The following SLC9A1 variants were observed in gnomAD, a reference collection of about 807,000 sequenced individuals.
SLC9A1 encodes the protein sodium/hydrogen exchanger 1.
SLC9A1 carries 22 observed loss-of-function variants against 67.9 expected under a neutral mutation model. The ratio of observed to expected loss-of-function variants is 0.32; its 90% confidence interval spans 0.23 to 0.46. The LOEUF is 0.46. Ranked by LOEUF, SLC9A1 falls within the 20% of genes least tolerant of loss-of-function variation. The probability of loss-of-function intolerance (pLI) is 1.00; values close to 1 mark genes in which losing one functional copy is unlikely to be tolerated. For synonymous variants in SLC9A1, 421 were observed against 471.8 expected (o/e 0.89, Z 1.40); for missense variants, 686 against 1,094.8 (o/e 0.63, Z 5.27).
chr1:27,119,805 G>A (rs2083293550), intron 1 of SLC9A1, among the ~76,000 whole-genome samples: 1 of 152,168 alleles, frequency 6.6e-6, no homozygotes, highest in East Asian at 1.9e-4. Context: ...GTTTCTAAGG[G>A]GCGTGTGAGC....
At chr1:27,128,227 A>C (rs912762318) in intron 1 of SLC9A1, among the ~76,000 whole-genome samples, 2 of 151,682 alleles carry the variant, frequency 1.3e-5, no homozygotes, top group Non-Finnish European at 2.9e-5. Context: ...TCTGTGACCT[A>C]ATAAGGCAAA....
Position 27,103,257 on chromosome 1 carries a change from G to A in SLC9A1, c.1541C>T (p.Thr514Met), listed in dbSNP as rs902869080. 1.8e-5 allele frequency: 29 copies of A among 1,606,636 alleles called. No homozygotes were observed. Among genetic ancestry groups the A allele is most frequent in the Non-Finnish European group, 2.2e-5 (26 of 1,176,698 alleles). Reference protein sequence around the residue: ...DLLAVKKKQETKRSINEEIHT... With the variant: ...DLLAVKKKQEMKRSINEEIHT... ...GATCTCTTCGTTGATGGAGCGCTTC[G>A]TCTCTTGCTTTTTCTTCACAGCCAA... Residue 514 changes from threonine (T) to methionine (M), a missense_variant, in exon 6 of 12, where the codon ACG becomes ATG. By Grantham distance (81) the Thr-to-Met change is moderately conservative (BLOSUM62 -1). Coordinates refer to ENST00000263980, the MANE Select transcript of SLC9A1 (RefSeq NM_003047.5).
chr1:27,133,806 C>G (rs2083401691), intron 1 of SLC9A1, among the ~76,000 whole-genome samples: 1 of 151,210 alleles, frequency 6.6e-6, no homozygotes. Context: ...AGTCTGTTGC[C>G]TAGGCTGGAG....
intron 1 of SLC9A1, among the ~76,000 whole-genome samples, chr1:27,130,968 C>T (rs2083380058): frequency 6.6e-6 from 1 of 152,236 alleles, no homozygotes; most frequent in South Asian, 2.1e-4. Context: ...CAGTTCACCC[C>T]ATAGAAGTGC....
At chr1:27,120,618 A>T (rs2124167067) in intron 1 of SLC9A1, among the ~76,000 whole-genome samples, 1 of 151,964 alleles carries the variant, frequency 6.6e-6, no homozygotes, top group East Asian at 2.0e-4. Context: ...GGCGCCTCTA[A>T]TCACAGCTAC....
chr1:27,130,246 G>A (rs774398735), intron 1 of SLC9A1, among the ~76,000 whole-genome samples: 4 of 152,128 alleles, frequency 2.6e-5, no homozygotes, highest in Non-Finnish European at 5.9e-5. Flanking sequence ...GATTACAGGC[G>A]CCCGCCACCA....
At chr1:27,123,475 G>A (rs183158075) in intron 1 of SLC9A1, among the ~76,000 whole-genome samples, 13 of 151,818 alleles carry the variant, frequency 8.6e-5, no homozygotes, top group Admixed American at 3.9e-4. Flanking sequence ...AATGCAGTAG[G>A]TATAATTATT....
At position 27,102,716 on chromosome 1, in the gene SLC9A1, C is replaced by T. The variant is rs779161978; in HGVS notation, c.1603G>A (p.Glu535Lys). ...QFLDHLLTGI[E>K]DICGHYGHHH... ...TGACCGTAGTGGCCACAGATGTCTTCGATGCCTGTCAGAAGGTGGTCCAGG... is the reference window on the plus strand; with the variant it reads ...TGACCGTAGTGGCCACAGATGTCTTTGATGCCTGTCAGAAGGTGGTCCAGG... Residue 535 changes from glutamate (E) to lysine (K), a missense_variant, in exon 7 of 12, where the codon GAA becomes AAA. By Grantham distance (56) the Glu-to-Lys change is moderately conservative (BLOSUM62 1). This residue lies in a region of SLC9A1 where 168 missense variants were observed against 375.4 expected (regional missense o/e 0.45). Transcript: ENST00000263980. 6.2e-7 allele frequency: 1 copy of T among 1,613,774 alleles called. No homozygotes were observed.
At chr1:27,140,421 C>T (rs1322968685) in intron 1 of SLC9A1, among the ~76,000 whole-genome samples, 2 of 152,258 alleles carry the variant, frequency 1.3e-5, no homozygotes, top group East Asian at 3.9e-4. Flanking sequence ...ACTCAGCTCA[C>T]CCCAATGCCC....
chr1:27,138,741 G>A (rs370639871), intron 1 of SLC9A1, among the ~76,000 whole-genome samples: 23 of 152,236 alleles, frequency 1.5e-4, no homozygotes, highest in African/African-American at 5.3e-4. Context: ...AGGCCGGTGC[G>A]ACTGGAACAG....
chr1:27,151,356 T>C (rs2083526076), intron 1 of SLC9A1, among the ~76,000 whole-genome samples: 1 of 151,868 alleles, frequency 6.6e-6, no homozygotes, highest in South Asian at 2.1e-4. Context: ...TCCCATTTTA[T>C]TTTTTTTTAT....
At position 27,100,031 on chromosome 1, in the gene SLC9A1, C is replaced by G; in HGVS notation, c.*276G>C. On this transcript the variant is annotated 3_prime_UTR_variant, in exon 12 of 12. Coordinates refer to ENST00000263980, the MANE Select transcript of SLC9A1 (RefSeq NM_003047.5). The surrounding 1 kb of genome is among the most constrained non-coding windows in gnomAD (Gnocchi z 5.6). The stretch of plus-strand genomic sequence containing the variant: ...AGCCTCCGAGGCCCTAGTCCAGGTC[C>G]GGGAGAAGCCTGGATCTAGGGAGGG... 2.5e-6 allele frequency: 1 copy of G among 402,006 alleles called. No homozygotes were observed. The highest frequency in any genetic ancestry group is 9.0e-5 in the South Asian group (1 of 11,124). The allele number at this position is 402,006 out of a possible 1,614,324, so 24.9% of individuals were successfully genotyped here.
At chr1:27,129,150 C>T (rs1331652915) in intron 1 of SLC9A1, among the ~76,000 whole-genome samples, 1 of 152,188 alleles carries the variant, frequency 6.6e-6, no homozygotes, top group East Asian at 1.9e-4. Context: ...CATTAAGGCT[C>T]CATGGGCAGC....
rs1056238460 is a variant in SLC9A1 at position 27,137,254 on chromosome 1, C to A, written c.352+16729G>T. Among the ~76,000 whole-genome samples, 1 of 152,208 alleles carries A rather than the reference C, an allele frequency of 6.6e-6. No homozygotes were observed. The highest frequency in any genetic ancestry group is 1.5e-5 in the Non-Finnish European group (1 of 68,038). The stretch of plus-strand genomic sequence containing the variant: ...CAGGCAGGAGGCCGCCTCACCTCTG[C>A]GGAGGGAACGATGTGGGAAGAAGGA... On this transcript the variant is annotated intron_variant, in intron 1 of 11. Coordinates refer to ENST00000263980, the MANE Select transcript of SLC9A1 (RefSeq NM_003047.5). The surrounding 1 kb of genome is among the most constrained non-coding windows in gnomAD (Gnocchi z 4.6).
At position 27,107,781 on chromosome 1, in the gene SLC9A1, C is replaced by T; in HGVS notation, c.1149G>A (p.Leu383=). ...HKSHTTIKYF[L]KMWSSVSETL... ...TCTCGCTGACGCTGCTCCACATCTT[C>T]AGGAAGTATTTGATGGTGGTGTGGG... Residue 383 remains leucine (L), a synonymous_variant, in exon 4 of 12, where the codon CTG becomes CTA. Coordinates refer to ENST00000263980, the MANE Select transcript of SLC9A1 (RefSeq NM_003047.5). 6.2e-7 allele frequency: 1 copy of T among 1,608,558 alleles called. No individual in the cohort carries two copies. The highest frequency in any genetic ancestry group is 8.5e-7 in the Non-Finnish European group (1 of 1,178,106).
chr1:27,114,366 G>A lies in SLC9A1; in HGVS notation c.353-80C>T. ...AGAAGGTTGGGGATGGGCCGGGGATGAGGAGCGCAGTTGGTGAGAGGTGCA... is the reference window on the plus strand; with the variant it reads ...AGAAGGTTGGGGATGGGCCGGGGATAAGGAGCGCAGTTGGTGAGAGGTGCA... On this transcript the variant is annotated intron_variant, in intron 1 of 11. Coordinates refer to ENST00000263980, the MANE Select transcript of SLC9A1 (RefSeq NM_003047.5). This position sits in a 1 kb window ranked among gnomAD's most constrained non-coding sequence, Gnocchi z 5.4. 8.6e-7 allele frequency: 1 copy of A among 1,162,758 alleles called. No homozygotes were observed. 72.0% of individuals were successfully genotyped at this position (1,162,758 alleles called of 1,614,324 possible). A position where few individuals can be genotyped will look rare whatever the true frequency, so the allele number is the denominator to read the frequency against.
rs1160080179 is a variant in SLC9A1, at chr1:27,101,177, C to T, written c.2110+26G>A. 17 of 1,594,624 alleles carry T rather than the reference C, an allele frequency of 1.1e-5. No individual in the cohort carries two copies. The highest frequency in any genetic ancestry group is 1.4e-5 in the Non-Finnish European group (16 of 1,169,932). On this transcript the variant is annotated intron_variant, in intron 11 of 11. Transcript: ENST00000263980. This position sits in a 1 kb window ranked among gnomAD's most constrained non-coding sequence, Gnocchi z 4.9. ...GAGGTGGCAGCTCAGAGTGCCCAGT[C>T]CTGAGGCCCCTCGCCAGGCCCTTAC...
Position 27,137,962 on chromosome 1 carries a change from G to T in SLC9A1, c.352+16021C>A, listed in dbSNP as rs1557431597. On this transcript the variant is annotated intron_variant, in intron 1 of 11. Transcript: ENST00000263980. This position sits in a 1 kb window ranked among gnomAD's most constrained non-coding sequence, Gnocchi z 4.6. The stretch of plus-strand genomic sequence containing the variant: ...CTGGCTTGGCCAGTGGTGCCTGTCG[G>T]GAAGCTTTACTCTGTTGCCCTCATA... Among the ~76,000 whole-genome samples the T allele has an allele frequency of 6.6e-6, 1 of 152,232 alleles. No individual in the cohort carries two copies.
intron 1 of SLC9A1, among the ~76,000 whole-genome samples, chr1:27,141,242 G>A (rs2083451493): frequency 6.6e-6 from 1 of 152,162 alleles, no homozygotes; most frequent in South Asian, 2.1e-4. Context: ...AACAGGATAA[G>A]TGACTTGCCC....
Sources: gnomAD v4.1 joint callset for allele counts (sites outside exome capture counted in the v4.1 genomes callset) on GRCh38, gnomAD v4.1.1 for gene constraint, gnomAD v4.1.1 regional missense constraint, Gnocchi (gnomAD v3.1) non-coding constraint, MANE v1.5 for transcripts, NCBI Gene and HGNC (gene_info 2026-07-23, HGNC 2026-07-21) for gene names.